MYOF: variants seen among roughly 807,000 people sequenced by gnomAD.
MYOF encodes fer-1-like 3, myoferlin.
MYOF carries 244 observed loss-of-function variants against 284.2 expected under a neutral mutation model. The observed-to-expected ratio is 0.86, with a 90% CI of 0.77 to 0.95. The LOEUF is 0.95. Ranked by LOEUF, MYOF falls within the 40% of genes least tolerant of loss-of-function variation. The probability of loss-of-function intolerance (pLI) is 0.00; values close to 1 mark genes in which losing one functional copy is unlikely to be tolerated. For missense variants in MYOF, 2,496 were observed against 2,560.6 expected (o/e 0.97, Z 0.54); for synonymous variants, 904 against 919.7 (o/e 0.98, Z 0.31).
At chr10:93,337,775 G>T in intron 40 of MYOF, 40 bp downstream of exon 40, 1 of 1,547,994 alleles carries the variant, frequency 6.5e-7, no homozygotes, top group Non-Finnish European at 8.9e-7. Context: ...AGTTTCAAAG[G>T]ATGTTGATTC....
chr10:93,339,775 G>C (rs1243723537), intron 39 of MYOF, among the ~76,000 whole-genome samples: 1 of 150,418 alleles, frequency 6.6e-6, no homozygotes, highest in Non-Finnish European at 1.5e-5. Context: ...GGCCCCCCTA[G>C]ATTTAGAAAA....
intron 17 of MYOF, among the ~76,000 whole-genome samples, chr10:93,389,476 C>T (rs1248121410): frequency 2.0e-5 from 3 of 152,280 alleles, no homozygotes; most frequent in Non-Finnish European, 2.9e-5. Context: ...ATTAAACATG[C>T]CATTGCCAAT....
chr10:93,355,556 G>C (rs1844755714), intron 31 of MYOF, 72 bp downstream of exon 31: 2 of 1,237,842 alleles, frequency 1.6e-6, no homozygotes, highest in Admixed American at 1.8e-5. Flanking sequence ...CTCCAGCCTG[G>C]GTGATAGGGC....
intron 24 of MYOF, among the ~76,000 whole-genome samples, chr10:93,371,486 A>G (rs1392847980): frequency 6.6e-6 from 1 of 152,200 alleles, no homozygotes; most frequent in South Asian, 2.1e-4. Context: ...GACATTAAAG[A>G]AGTTTGCAAA....
intron 5 of MYOF, among the ~76,000 whole-genome samples, chr10:93,424,913 C>T (rs904502733): frequency 3.3e-4 from 48 of 144,294 alleles, no homozygotes; most frequent in Admixed American, 1.1e-3. Context: ...GACTTCCTCC[C>T]AGGAGGGAGA....
chr10:93,456,996 G>T, intron 1 of MYOF, 59 bp from the exon 2 acceptor site: 1 of 1,291,682 alleles, frequency 7.7e-7, no homozygotes, highest in Non-Finnish European at 1.1e-6. Context: ...AAGAGCGTGG[G>T]CCATTCATTT....
rs774438879 is a variant in MYOF, at chr10:93,310,595, C to T, written c.5938G>A (p.Glu1980Lys). The change falls in exon 52 of 54, where the codon GAG becomes AAG. Residue 1980 changes from glutamate to lysine, a missense_variant. Glu to Lys is a moderately conservative substitution (Grantham distance 56). This residue lies in a region of MYOF where 2,436 missense variants were observed against 2,480.7 expected (regional missense o/e 0.98). Coordinates refer to ENST00000359263, the MANE Select transcript of MYOF (RefSeq NM_013451.4). The stretch of plus-strand genomic sequence containing the variant: ...TCCCGCCCCTTCCCGGCTGGCCTCT[C>T]GTCGGCCTCCTTCTCGTTGAGGATT... Reference protein sequence around the residue: ...LEILNEKEADERPAGKGRDEP... With the variant: ...LEILNEKEADKRPAGKGRDEP... The T allele has an allele frequency of 8.1e-6, 13 of 1,614,076 alleles. No homozygotes were observed. Among genetic ancestry groups the T allele is most frequent in the South Asian group, 2.2e-5 (2 of 91,088 alleles).
intron 4 of MYOF, among the ~76,000 whole-genome samples, chr10:93,428,970 G>A (rs1007373470): frequency 6.6e-6 from 1 of 152,164 alleles, no homozygotes; most frequent in African/African-American, 2.4e-5. Flanking sequence ...AGGGGGCAGG[G>A]CTTGAGGCCA....
intron 43 of MYOF, among the ~76,000 whole-genome samples, chr10:93,330,784 C>T (rs1460300505): frequency 6.6e-6 from 1 of 152,180 alleles, no homozygotes; most frequent in Non-Finnish European, 1.5e-5. Flanking sequence ...CTCCCCTTCT[C>T]CTTGCACTCT....
intron 13 of MYOF, among the ~76,000 whole-genome samples, chr10:93,398,680 C>T (rs1847135513): frequency 6.6e-6 from 1 of 152,148 alleles, no homozygotes. Context: ...CTACCACACC[C>T]ACTGAATCTT....
intron 39 of MYOF, among the ~76,000 whole-genome samples, chr10:93,339,171 C>T (rs1052248762): frequency 5.9e-5 from 9 of 151,962 alleles, no homozygotes; most frequent in African/African-American, 1.9e-4. Context: ...TGCCACCATA[C>T]GAGGCTACTT....
At chr10:93,307,188 A>ACCCC (rs71028899) in intron 53 of MYOF, among the ~76,000 whole-genome samples, 187 bp from the exon 54 acceptor site, 2,683 of 111,800 alleles carry the variant, frequency 0.024, 50 homozygotes, top group East Asian at 0.063. Context: ...TGCCAGTAGC[A>ACCCC]CCCCCCCGCC....
chr10:93,358,947 A>T (rs78955672), intron 29 of MYOF, among the ~76,000 whole-genome samples: 5 of 138,314 alleles, frequency 3.6e-5, no homozygotes, highest in South Asian at 4.4e-4. Context: ...AACTTAAATT[A>T]AAAAAAAAAA....
chr10:93,356,559 G>T, intron 30 of MYOF, 116 bp downstream of exon 30: 2 of 1,121,324 alleles, frequency 1.8e-6, no homozygotes, highest in Non-Finnish European at 2.5e-6. Context: ...GTTAATATTT[G>T]CCATCTTATA....
rs572713143 is a variant in MYOF at position 93,361,511 on chromosome 10, C to G, written c.2915G>C (p.Gly972Ala). 2.0e-5 allele frequency: 32 copies of G among 1,614,214 alleles called. 1 individual carries two copies. The South Asian group carries it at 2.1e-4, about 11-fold the overall frequency. Residue 972 changes from glycine (G) to alanine (A), a missense_variant, in exon 28 of 54, where the codon GGT (glycine) becomes GCT (alanine). Gly to Ala is a moderately conservative substitution (Grantham distance 60). Around this residue, in one of 3 missense-constraint regions of MYOF, gnomAD observed 2,436 missense variants for 2,480.7 expected, o/e 0.98. Coordinates refer to ENST00000359263, the MANE Select transcript of MYOF (RefSeq NM_013451.4). ...ASPSELTCPP[G>A]WEWEDDAWSY... ...CCATGCATCATCTTCCCATTCCCAA[C>G]CTGGAGGACAAGTCAACTCGCTGGG... is the stretch of plus-strand genomic sequence containing the variant.
Position 93,369,242 on chromosome 10 carries a change from TC to T in MYOF, c.2589+402del, listed in dbSNP as rs1197766487. On this transcript the variant is annotated intron_variant, in intron 25 of 53. Transcript: ENST00000359263. The stretch of plus-strand genomic sequence containing the variant: ...TATCAAGATCTGAACATCTCAAGTG[TC>T]CCCTCTCCTGGGTTGGTGTGTGTGT... 6.4e-5 allele frequency among the ~76,000 whole-genome samples: 8 copies of T among 125,494 alleles called. No homozygotes were observed. In the East Asian group the frequency reaches 2.7e-3, roughly 42 times the overall value. The allele number at this position is 125,494 out of a possible 152,430, so 82.3% of individuals were successfully genotyped here.
At chr10:93,374,117 T>C (rs2133974979) in intron 23 of MYOF, among the ~76,000 whole-genome samples, 1 of 152,278 alleles carries the variant, frequency 6.6e-6, no homozygotes, top group African/African-American at 2.4e-5. Flanking sequence ...CGGTGTTTGG[T>C]TTTCTGTCCT....
chr10:93,380,798 G>T (rs1032312019), intron 20 of MYOF, among the ~76,000 whole-genome samples: 6 of 152,244 alleles, frequency 3.9e-5, no homozygotes, highest in Admixed American at 6.5e-5. Context: ...AAGCTGGTGA[G>T]TAACAGAGTG....
rs890746231 is a variant in MYOF at position 93,399,588 on chromosome 10, A to G, written c.1118-93T>C. 4.8e-6 allele frequency: 4 copies of G among 840,286 alleles called. No homozygotes were observed. In the Admixed American group the frequency reaches 7.0e-5, roughly 15 times the overall value. 52.1% of individuals were successfully genotyped at this position (840,286 alleles called of 1,614,324 possible). A position where few individuals can be genotyped will look rare whatever the true frequency, so the allele number is the denominator to read the frequency against. On this transcript the variant is annotated intron_variant, in intron 12 of 53. Coordinates refer to ENST00000359263, the MANE Select transcript of MYOF (RefSeq NM_013451.4). Reference sequence around the variant, plus strand: ...TTCTCTTATACATCAAAATAGTTGCAACAGGCTAGGCGCAGTGGCTCATGC... The same window carrying G: ...TTCTCTTATACATCAAAATAGTTGCGACAGGCTAGGCGCAGTGGCTCATGC...
Sources: gnomAD v4.1 joint callset for allele counts (sites outside exome capture counted in the v4.1 genomes callset) on GRCh38, gnomAD v4.1.1 for gene constraint, gnomAD v4.1.1 regional missense constraint, MANE v1.5 for transcripts, NCBI Gene and HGNC (gene_info 2026-07-23, HGNC 2026-07-21) for gene names.